NXPH1: variants seen among roughly 807,000 people sequenced by gnomAD.
NXPH1 encodes neurexophilin-1.
In NXPH1, 5 loss-of-function variants were observed where a neutral mutation model predicts 23.7. The observed-to-expected ratio is 0.21, with a 90% CI of 0.11 to 0.44. The LOEUF (loss-of-function observed/expected upper bound fraction) is 0.44. NXPH1 is among the 20% of genes least tolerant of loss of function. The pLI, the probability that NXPH1 is intolerant of heterozygous loss-of-function variation, is 0.99. For missense variants in NXPH1, 324 were observed against 321.6 expected (o/e 1.01, Z -0.06); for synonymous variants, 144 against 122.2 (o/e 1.18, Z -1.18).
chr7:8,500,470 CTG>C (rs1235170108), intron 2 of NXPH1, among the ~76,000 whole-genome samples: 3 of 152,038 alleles, frequency 2.0e-5, no homozygotes, highest in Non-Finnish European at 4.4e-5. Context: ...GCCAACCTCT[CTG>C]TGATTCAGAA....
chr7:8,461,723 G>C (rs934532440), intron 2 of NXPH1, among the ~76,000 whole-genome samples: 3 of 150,160 alleles, frequency 2.0e-5, no homozygotes, highest in Admixed American at 6.6e-5. Context: ...CCAGCTACTC[G>C]GGAGGCTGAG....
At chr7:8,671,028 C>T (rs115057370) in intron 2 of NXPH1, among the ~76,000 whole-genome samples, 2,700 of 152,212 alleles carry the variant, frequency 0.018, 81 homozygotes, top group African/African-American at 0.061. Flanking sequence ...ATTGCCCTAC[C>T]GTGGTCTGTG....
intron 2 of NXPH1, among the ~76,000 whole-genome samples, chr7:8,454,193 C>T (rs1015102370): frequency 1.3e-5 from 2 of 151,940 alleles, no homozygotes; most frequent in East Asian, 3.8e-4. Context: ...CCCCATGACA[C>T]CTATGTAACA....
intron 2 of NXPH1, among the ~76,000 whole-genome samples, chr7:8,436,593 G>C (rs975346563): frequency 3.9e-5 from 6 of 152,156 alleles, no homozygotes; most frequent in Non-Finnish European, 8.8e-5. Context: ...GTTGAGACAA[G>C]GAGAATGAGA....
chr7:8,714,004 A>G (rs1779838527), intron 2 of NXPH1, among the ~76,000 whole-genome samples: 1 of 152,170 alleles, frequency 6.6e-6, no homozygotes, highest in Non-Finnish European at 1.5e-5. Flanking sequence ...AGGGCTCTAC[A>G]ATTTACAATT....
rs1006291307 is a variant in NXPH1, at chr7:8,724,453, A to G, written c.55-26555A>G. ...TTTGCCTATGATGCCTTCTATCCAC[A>G]GTGCTCAAGGTAAAACAAACTGCTA... On this transcript the variant is annotated intron_variant, in intron 2 of 2. Transcript: ENST00000405863. Among the ~76,000 whole-genome samples, 3 of 152,212 alleles carry G rather than the reference A, an allele frequency of 2.0e-5. No individual in the cohort carries two copies. In the South Asian group the frequency reaches 6.2e-4, roughly 31 times the overall value.
At position 8,750,064 on chromosome 7, in the gene NXPH1, G is replaced by A. The variant is rs539219670; in HGVS notation, c.55-944G>A. Among the ~76,000 whole-genome samples, 25 of 152,244 alleles carry A rather than the reference G, an allele frequency of 1.6e-4. No homozygotes were observed. In the South Asian group the frequency reaches 5.2e-3, roughly 32 times the overall value. ...CTCAGTCATTGACCACATGTTGTTG[G>A]TTTCTCTAGAACTGACAATTACTTA... On this transcript the variant is annotated intron_variant, in intron 2 of 2. Coordinates refer to ENST00000405863, the MANE Select transcript of NXPH1 (RefSeq NM_152745.3).
intron 2 of NXPH1, among the ~76,000 whole-genome samples, chr7:8,506,828 G>A (rs1817531117): frequency 1.3e-5 from 2 of 151,996 alleles, no homozygotes; most frequent in South Asian, 4.1e-4. Flanking sequence ...CAAATGCTAG[G>A]GTAGCTGCAA....
chr7:8,498,984 G>T (rs1174929850), intron 2 of NXPH1, among the ~76,000 whole-genome samples: 2 of 152,046 alleles, frequency 1.3e-5, no homozygotes, highest in African/African-American at 2.4e-5. Flanking sequence ...TTTGGTATTT[G>T]ACATTCCAGG....
chr7:8,440,449 T>C (rs938523454), intron 2 of NXPH1, among the ~76,000 whole-genome samples: 1 of 152,234 alleles, frequency 6.6e-6, no homozygotes, highest in Admixed American at 6.5e-5. Flanking sequence ...GTGGCTCCTC[T>C]GTGCGAAGTT....
intron 2 of NXPH1, among the ~76,000 whole-genome samples, chr7:8,707,279 T>C (rs973774764): frequency 6.6e-6 from 1 of 152,188 alleles, no homozygotes; most frequent in Admixed American, 6.5e-5. Context: ...CTATTCTACC[T>C]GGCCAAAATA....
chr7:8,580,713 C>T (rs1166886782), intron 2 of NXPH1, among the ~76,000 whole-genome samples: 3 of 149,776 alleles, frequency 2.0e-5, no homozygotes, highest in Non-Finnish European at 4.4e-5. Flanking sequence ...GGCATTCATG[C>T]AGGCTGAGTT....
At chr7:8,656,197 T>C (rs1287776117) in intron 2 of NXPH1, among the ~76,000 whole-genome samples, 1 of 152,256 alleles carries the variant, frequency 6.6e-6, no homozygotes, top group Non-Finnish European at 1.5e-5. Flanking sequence ...CAAAATATTC[T>C]AGTTCACTTC....
At position 8,719,577 on chromosome 7, in the gene NXPH1, C is replaced by G. The variant is rs117208268; in HGVS notation, c.55-31431C>G. Among the ~76,000 whole-genome samples, 691 of 152,148 alleles carry G rather than the reference C, an allele frequency of 4.5e-3. 4 individuals are homozygous for G. The highest frequency in any genetic ancestry group is 7.4e-3 in the Non-Finnish European group (505 of 67,992). Reference sequence around the variant, plus strand: ...AAATTATATTATATTTGGTGGATAACCATTTGAAAAAGATAACAGTGTTCT... The same window carrying G: ...AAATTATATTATATTTGGTGGATAAGCATTTGAAAAAGATAACAGTGTTCT... On this transcript the variant is annotated intron_variant, in intron 2 of 2. Transcript: ENST00000405863.
At chr7:8,722,417 C>A (rs1779983461) in intron 2 of NXPH1, among the ~76,000 whole-genome samples, 1 of 152,152 alleles carries the variant, frequency 6.6e-6, no homozygotes, top group Non-Finnish European at 1.5e-5. Context: ...TACAATGGTT[C>A]TCTCATTTCA....
At position 8,749,980 on chromosome 7, in the gene NXPH1, T is replaced by A. The variant is rs558359525; in HGVS notation, c.55-1028T>A. ...ACAATTCTTTCCTAAGAAATAATTT[T>A]GCGGTCCTAGGAGAACAGTGTCTGC... On this transcript the variant is annotated intron_variant, in intron 2 of 2. Coordinates refer to ENST00000405863, the MANE Select transcript of NXPH1 (RefSeq NM_152745.3). Among the ~76,000 whole-genome samples, 3 of 152,330 alleles carry A rather than the reference T, an allele frequency of 2.0e-5. No individual in the cohort carries two copies. The East Asian group carries it at 5.8e-4, about 29-fold the overall frequency.
intron 2 of NXPH1, among the ~76,000 whole-genome samples, chr7:8,475,399 G>A (rs565294063): frequency 1.3e-5 from 2 of 152,152 alleles, no homozygotes; most frequent in African/African-American, 4.8e-5. Flanking sequence ...GGATAATTTG[G>A]GAAAATTTGG....
intron 2 of NXPH1, among the ~76,000 whole-genome samples, chr7:8,611,245 T>G (rs1218961633): frequency 6.6e-6 from 1 of 152,164 alleles, no homozygotes; most frequent in Non-Finnish European, 1.5e-5. Context: ...CATGATATAA[T>G]TTGATGGGCT....
chr7:8,535,204 C>G (rs1449450499), intron 2 of NXPH1, among the ~76,000 whole-genome samples: 1 of 151,944 alleles, frequency 6.6e-6, no homozygotes. Context: ...GGTAGTAGTC[C>G]TATCTTTGAC....
Sources: allele counts gnomAD v4.1 joint callset (sites outside exome capture counted in the v4.1 genomes callset), GRCh38; gene constraint gnomAD v4.1.1; transcripts MANE v1.5; gene names NCBI Gene and HGNC (gene_info 2026-07-23, HGNC 2026-07-21).